The following MS4A14 variants were observed in gnomAD, a reference collection of about 807,000 sequenced individuals.
MS4A14 encodes the protein membrane spanning 4-domains A14.
MS4A14 carries 18 observed loss-of-function variants against 16.7 expected under a neutral mutation model. The observed-to-expected ratio is 1.08, with a 90% CI of 0.75 to 1.60. MS4A14 has a LOEUF of 1.60. Ranked by LOEUF, MS4A14 falls within the 40% of genes most tolerant of loss-of-function variation. The pLI is 0.00. For synonymous variants in MS4A14, 305 were observed against 289.4 expected (o/e 1.05, Z -0.55); for missense variants, 812 against 775.3 (o/e 1.05, Z -0.56).
chr11:60,411,138 G>A (rs149051947), intron 4 of MS4A14, among the ~76,000 whole-genome samples: 4,463 of 152,232 alleles, frequency 0.029, 187 homozygotes, highest in East Asian at 0.22. Flanking sequence ...GAGCCACTGT[G>A]CCCGGCCCTG....
intron 3 of MS4A14, among the ~76,000 whole-genome samples, chr11:60,401,683 G>A (rs571563031): frequency 5.5e-4 from 84 of 152,282 alleles, no homozygotes; most frequent in Admixed American, 5.0e-3. Context: ...AGAATCAGAA[G>A]AGACTAGGCT....
chr11:60,417,598 T>C lies in MS4A14; in HGVS notation c.*590T>C, dbSNP rs1464789496. 3 of 152,176 alleles carry C rather than the reference T, an allele frequency of 2.0e-5. No homozygotes were observed. The highest frequency in any genetic ancestry group is 2.9e-5 in the Non-Finnish European group (2 of 68,038). The allele number at this position is 152,176 out of a possible 1,614,324, so 9.4% of individuals were successfully genotyped here. ...CTCCAATCTGTGTTCTCAACTGTGGTTGCCACCTCATTAACTTACAAAAAA... is the reference window on the plus strand; with the variant it reads ...CTCCAATCTGTGTTCTCAACTGTGGCTGCCACCTCATTAACTTACAAAAAA... On this transcript the variant is annotated 3_prime_UTR_variant, in exon 5 of 5. Transcript: ENST00000300187.
At chr11:60,397,711 C>G (rs971447798) in intron 1 of MS4A14, 141 bp from the exon 2 acceptor site, 5 of 739,950 alleles carry the variant, frequency 6.8e-6, no homozygotes, top group Middle Eastern at 2.6e-4. Flanking sequence ...TCTTAACAAT[C>G]TGAGAATGAT....
At chr11:60,397,001 C>G (rs1413232883) in intron 1 of MS4A14, among the ~76,000 whole-genome samples, 2 of 152,138 alleles carry the variant, frequency 1.3e-5, no homozygotes, top group Non-Finnish European at 2.9e-5. Context: ...TTTGACTTCC[C>G]CTTCATGCTC....
In MS4A14 at chr11:60,416,994, C is replaced by T. The variant is rs151183005; in HGVS notation, c.2026C>T (p.Pro676Ser). ...PRTVNLLAKN[P>S]LTG is the part of the protein sequence containing the mutation. ...GACTGTCAATCTTTTGGCCAAGAAT[C>T]CCCTGACTGGATAACTCAGGGCTGG... The change falls in exon 5 of 5, where the codon CCC (proline) becomes TCC (serine). Residue 676 changes from proline (P) to serine (S), a missense_variant. Coordinates refer to ENST00000300187, the MANE Select transcript of MS4A14 (RefSeq NM_032597.5). The T allele has an allele frequency of 7.4e-3, 11,915 of 1,611,676 alleles. 55 individuals carry two copies. The highest frequency in any genetic ancestry group is 9.0e-3 in the Non-Finnish European group (10,653 of 1,178,770).
chr11:60,407,169 C>T (rs1565176647), intron 4 of MS4A14, among the ~76,000 whole-genome samples: 1 of 151,928 alleles, frequency 6.6e-6, no homozygotes, highest in Non-Finnish European at 1.5e-5. Context: ...CATGCGCCAC[C>T]ACCCCCAGCT....
chr11:60,402,244 T>C (rs536237837), intron 3 of MS4A14, among the ~76,000 whole-genome samples: 2 of 139,918 alleles, frequency 1.4e-5, no homozygotes, highest in Non-Finnish European at 3.1e-5. Context: ...ATTGCAACAA[T>C]GAGTTCAAGA....
intron 3 of MS4A14, 132 bp from the exon 4 acceptor site, chr11:60,402,780 T>A: frequency 1.1e-6 from 1 of 893,334 alleles, no homozygotes; most frequent in Non-Finnish European, 1.7e-6. Flanking sequence ...AGCCTTCCAA[T>A]CATACTGACC....
chr11:60,416,499 A>T lies in MS4A14; in HGVS notation c.1531A>T (p.Lys511Ter), dbSNP rs747492373. 2.5e-6 allele frequency: 4 copies of T among 1,613,934 alleles called. No individual in the cohort carries two copies. The highest frequency in any genetic ancestry group is 1.7e-5 in the Admixed American group (1 of 59,984). ...HSLDVQAKGQ[K>*]SSKRHSLDQQ... Reference sequence around the variant, plus strand: ...TTTAGACGTGCAAGCCAAAGGCCAGAAATCCTCAAAGAGGCATTCCTTAGA... The same window carrying T: ...TTTAGACGTGCAAGCCAAAGGCCAGTAATCCTCAAAGAGGCATTCCTTAGA... The change falls in exon 5 of 5, where the codon AAA becomes TAA. Residue 511 changes from lysine (K) to a stop codon, truncating the protein, a stop_gained. Coordinates refer to ENST00000300187, the MANE Select transcript of MS4A14 (RefSeq NM_032597.5). LOFTEE classifies it low-confidence loss of function (END_TRUNC).
rs1241935351 is a variant in MS4A14, at chr11:60,417,035, A to C, written c.*27A>C. 2 of 1,580,524 alleles carry C rather than the reference A, an allele frequency of 1.3e-6. No homozygotes were observed. Among genetic ancestry groups the C allele is most frequent in the Non-Finnish European group, 1.7e-6 (2 of 1,166,148 alleles). ...TCAGGGCTGGAGAAACAAAGATTAT[A>C]AAGCACGAGAATGGCAATTTGAAAT... On this transcript the variant is annotated 3_prime_UTR_variant, in exon 5 of 5. Coordinates refer to ENST00000300187, the MANE Select transcript of MS4A14 (RefSeq NM_032597.5).
Position 60,417,289 on chromosome 11 carries a change from C to T in MS4A14, c.*281C>T. On this transcript the variant is annotated 3_prime_UTR_variant, in exon 5 of 5. Transcript: ENST00000300187. ...AATGTATAGGGCAAACCTCAGGGGACCTGCAATCAGAAGACGTGAAGGCAG... is the reference window on the plus strand; with the variant it reads ...AATGTATAGGGCAAACCTCAGGGGATCTGCAATCAGAAGACGTGAAGGCAG... The T allele has an allele frequency of 3.8e-6, 1 of 262,998 alleles. No homozygotes were observed. The highest frequency in any genetic ancestry group is 7.9e-5 in the South Asian group (1 of 12,644). 16.3% of individuals were successfully genotyped at this position (262,998 alleles called of 1,614,324 possible).
At chr11:60,411,121 C>T (rs1309445878) in intron 4 of MS4A14, among the ~76,000 whole-genome samples, 1 of 152,234 alleles carries the variant, frequency 6.6e-6, no homozygotes, top group Admixed American at 6.5e-5. Context: ...GCTAGGATTA[C>T]AGGCATGAGC....
At chr11:60,407,344 A>C (rs1301683342) in intron 4 of MS4A14, among the ~76,000 whole-genome samples, 1 of 152,176 alleles carries the variant, frequency 6.6e-6, no homozygotes, top group African/African-American at 2.4e-5. Context: ...ATGGGTATTT[A>C]GATTGTTTAA....
chr11:60,403,590 A>G (rs1170304477), intron 4 of MS4A14, among the ~76,000 whole-genome samples: 1 of 152,240 alleles, frequency 6.6e-6, no homozygotes, highest in Non-Finnish European at 1.5e-5. Flanking sequence ...ATTATTTCAC[A>G]TAATTGTGGC....
intron 4 of MS4A14, among the ~76,000 whole-genome samples, chr11:60,414,836 G>A (rs577728572): frequency 2.1e-4 from 32 of 151,960 alleles, no homozygotes; most frequent in Admixed American, 1.5e-3. Context: ...TCATCTTACC[G>A]TCTATGCCTG....
chr11:60,400,552 A>G, intron 3 of MS4A14, 98 bp downstream of exon 3: 1 of 744,180 alleles, frequency 1.3e-6, no homozygotes, highest in Non-Finnish European at 2.2e-6. Flanking sequence ...TTTCAGGAAA[A>G]TCTGTATGCA....
At chr11:60,410,329 G>C (rs1236215883) in intron 4 of MS4A14, among the ~76,000 whole-genome samples, 1 of 152,140 alleles carries the variant, frequency 6.6e-6, no homozygotes, top group Non-Finnish European at 1.5e-5. Flanking sequence ...TTGAATTGTA[G>C]AGTTCTTTAT....
chr11:60,407,468 G>A (rs1260090481), intron 4 of MS4A14, among the ~76,000 whole-genome samples: 1 of 152,108 alleles, frequency 6.6e-6, no homozygotes, highest in Non-Finnish European at 1.5e-5. Flanking sequence ...GAGATCGTAT[G>A]GTAACCAGAT....
intron 4 of MS4A14, among the ~76,000 whole-genome samples, chr11:60,410,832 T>G (rs2903763): frequency 0.1 from 1,451 of 13,998 alleles, 20 homozygotes; most frequent in African/African-American, 0.26. Context: ...ATTTTTTGGG[T>G]TTTTTTTTTT....
Sources: allele counts gnomAD v4.1 joint callset (sites outside exome capture counted in the v4.1 genomes callset), GRCh38; gene constraint gnomAD v4.1.1; transcripts MANE v1.5; gene names NCBI Gene and HGNC (gene_info 2026-07-23, HGNC 2026-07-21).